TENM3: variants seen among roughly 807,000 people sequenced by gnomAD.
TENM3 encodes the protein teneurin transmembrane protein 3, also known as teneurin-3.
A neutral mutation model predicts 255.1 loss-of-function variants in TENM3; 63 were observed. The ratio of observed to expected loss-of-function variants is 0.25; its 90% CI spans 0.20 to 0.30. TENM3 has a LOEUF of 0.30. Among genes scored for constraint, TENM3 ranks in the 10% least tolerant of loss-of-function variants. TENM3 has a pLI of 1.00. For missense variants in TENM3, 2,929 were observed against 3,461.1 expected (o/e 0.85, Z 3.86); for synonymous variants, 1,306 against 1,322.3 (o/e 0.99, Z 0.27).
chr4:181,480,857 T>A, the TENM3 span, among the ~76,000 whole-genome samples: 1 of 150,204 alleles, frequency 6.7e-6, no homozygotes, highest in African/African-American at 2.4e-5. Context: ...ATTAGAACTG[T>A]TCATGTGTGT....
the TENM3 span, among the ~76,000 whole-genome samples, chr4:181,531,393 A>G: frequency 3.3e-5 from 5 of 152,186 alleles, no homozygotes; most frequent in Admixed American, 2.0e-4. Flanking sequence ...AACTATCCAC[A>G]TATCAGGGGA....
chr4:181,875,198 G>T, the TENM3 span, among the ~76,000 whole-genome samples: 9 of 152,244 alleles, frequency 5.9e-5, no homozygotes, highest in Admixed American at 2.6e-4. Context: ...AGATATGTCT[G>T]CTGTTTACCT....
the TENM3 span, among the ~76,000 whole-genome samples, chr4:181,566,014 T>C: frequency 2.6e-4 from 39 of 152,046 alleles, no homozygotes; most frequent in South Asian, 4.2e-4. Flanking sequence ...AGAAACCACA[T>C]ACTACTACAT....
the TENM3 span, among the ~76,000 whole-genome samples, chr4:182,037,627 A>G: frequency 1.6e-4 from 24 of 151,298 alleles, 1 homozygote; most frequent in South Asian, 4.4e-3. Flanking sequence ...ACTTTCTTTG[A>G]ATTATGTTAT....
chr4:181,554,945 C>A, the TENM3 span, among the ~76,000 whole-genome samples: 1 of 152,114 alleles, frequency 6.6e-6, no homozygotes, highest in Non-Finnish European at 1.5e-5. Flanking sequence ...ACTTTGAATG[C>A]GTCTCTGCAC....
intron 1 of TENM3, among the ~76,000 whole-genome samples, chr4:182,182,369 C>T (rs978674755): frequency 7.2e-5 from 11 of 151,918 alleles, no homozygotes; most frequent in African/African-American, 2.7e-4. Flanking sequence ...CAAATTTTGT[C>T]ATGTATGAAG....
At chr4:181,894,141 G>A in the TENM3 span, among the ~76,000 whole-genome samples, 1 of 152,138 alleles carries the variant, frequency 6.6e-6, no homozygotes, top group East Asian at 1.9e-4. Context: ...TGGATAAGGA[G>A]CTGGTCTTAA....
chr4:182,291,023 G>C (rs1022673815), intron 1 of TENM3, among the ~76,000 whole-genome samples: 5 of 152,086 alleles, frequency 3.3e-5, no homozygotes, highest in Non-Finnish European at 7.4e-5. Context: ...GTTTCACCAT[G>C]TTGGCCAGGC....
chr4:182,160,631 A>G (rs1751076049), intron 1 of TENM3, among the ~76,000 whole-genome samples: 1 of 152,158 alleles, frequency 6.6e-6, no homozygotes, highest in Non-Finnish European at 1.5e-5. Context: ...TGTGAAATCT[A>G]AAAAAGTCGA....
intron 2 of TENM3, among the ~76,000 whole-genome samples, chr4:182,332,307 AT>A (rs1196308991): frequency 1.3e-5 from 2 of 152,214 alleles, no homozygotes; most frequent in African/African-American, 2.4e-5. Context: ...TCCAAAATGT[AT>A]GGGAGACAGT....
At chr4:182,374,672 T>A (rs1219322656) in intron 3 of TENM3, among the ~76,000 whole-genome samples, 1 of 152,178 alleles carries the variant, frequency 6.6e-6, no homozygotes, top group Non-Finnish European at 1.5e-5. Context: ...ATTTCAAAAC[T>A]TTTTTTAGTC....
the TENM3 span, among the ~76,000 whole-genome samples, chr4:182,061,591 G>T: frequency 6.6e-6 from 1 of 152,010 alleles, no homozygotes; most frequent in African/African-American, 2.4e-5. Context: ...TATTTACGTG[G>T]TAATTGGCAT....
At chr4:182,581,919 T>C (rs1745531376) in intron 3 of TENM3, among the ~76,000 whole-genome samples, 1 of 152,146 alleles carries the variant, frequency 6.6e-6, no homozygotes, top group African/African-American at 2.4e-5. Context: ...ACATATATTT[T>C]TGTTTCTTAG....
the TENM3 span, among the ~76,000 whole-genome samples, chr4:181,888,534 GTGTATATATATATA>G: frequency 2.6e-4 from 12 of 45,590 alleles, no homozygotes; most frequent in Non-Finnish European, 3.4e-4. Context: ...ATACATATAT[GTGTATATATATATA>G]TGTATATATA....
the TENM3 span, among the ~76,000 whole-genome samples, chr4:181,755,243 A>G: frequency 6.6e-6 from 1 of 152,206 alleles, no homozygotes; most frequent in South Asian, 2.1e-4. Flanking sequence ...CCATTCACTT[A>G]CTTGCAGAGT....
the TENM3 span, among the ~76,000 whole-genome samples, chr4:181,477,720 A>T: frequency 2.6e-5 from 4 of 152,188 alleles, no homozygotes; most frequent in Non-Finnish European, 5.9e-5. Flanking sequence ...AACAACGAAA[A>T]ATTGGGATCC....
chr4:182,494,744 T>C (rs1735611914), intron 3 of TENM3, among the ~76,000 whole-genome samples: 1 of 152,180 alleles, frequency 6.6e-6, no homozygotes, highest in African/African-American at 2.4e-5. Flanking sequence ...TGATTGAATA[T>C]ATTATATTTG....
At chr4:182,728,144 G>A (rs576100380) in intron 13 of TENM3, among the ~76,000 whole-genome samples, 5 of 152,150 alleles carry the variant, frequency 3.3e-5, no homozygotes, top group South Asian at 2.1e-4. Flanking sequence ...CCACTGCACC[G>A]GCCAGAAGAG....
intron 1 of TENM3, among the ~76,000 whole-genome samples, chr4:182,289,482 A>C (rs923002549): frequency 6.6e-6 from 1 of 152,216 alleles, no homozygotes; most frequent in Admixed American, 6.5e-5. Flanking sequence ...TACTTGTCGC[A>C]GTTGTCCTGT....
Sources: gnomAD v4.1 joint callset for allele counts (sites outside exome capture counted in the v4.1 genomes callset) on GRCh38, gnomAD v4.1.1 for gene constraint, MANE v1.5 for transcripts, NCBI Gene and HGNC (gene_info 2026-07-23, HGNC 2026-07-21) for gene names.